Variants in RBFOX1 observed in about 807,000 individuals in gnomAD.
RBFOX1 encodes the protein RNA binding fox-1 homolog 1.
RBFOX1 carries 8 observed loss-of-function variants against 57.7 expected under a neutral mutation model. That is an observed-to-expected ratio of 0.14 (90% CI 0.08 to 0.25). The LOEUF (loss-of-function observed/expected upper bound fraction) is 0.25, where lower values mean the gene tolerates loss of function less well. Ranked by LOEUF, RBFOX1 falls within the 10% of genes least tolerant of loss-of-function variation. RBFOX1 has a pLI of 1.00. For missense variants in RBFOX1, 611 were observed against 548.5 expected, an observed-to-expected ratio of 1.11 and a Z score of -1.14; for synonymous variants, 326 against 222.4, an observed-to-expected ratio of 1.47 and a Z score of -4.15.
At chr16:5,291,509 C>T (rs2063535275) in intron 1 of RBFOX1, among the ~76,000 whole-genome samples, 1 of 152,142 alleles carries the variant, frequency 6.6e-6, no homozygotes, top group Non-Finnish European at 1.5e-5. Context: ...CATGATCCAC[C>T]CGCCTCGGCC....
chr16:6,256,175 A>ATATGTATATATATG lies in RBFOX1; in HGVS notation c.-126-60817_-126-60816insGTATATATATGTAT, dbSNP rs1555582266. On this transcript the variant is annotated intron_variant, in intron 1 of 15. Transcript: ENST00000550418. ...TATATATATGTATATATATATGTAT[A>ATATGTATATATATG]TATATATATACGTATATATATGTAT... 1.5e-3 allele frequency among the ~76,000 whole-genome samples: 42 copies of ATATGTATATATATG among 28,320 alleles called. 6 individuals are homozygous for ATATGTATATATATG. The highest frequency in any genetic ancestry group is 5.7e-3 in the East Asian group (2 of 350). 18.6% of individuals were successfully genotyped at this position (28,320 alleles called of 152,430 possible).
intron 4 of RBFOX1, among the ~76,000 whole-genome samples, chr16:7,461,640 G>A (rs759074835): frequency 2.6e-5 from 4 of 152,120 alleles, no homozygotes; most frequent in South Asian, 4.1e-4. Context: ...AAAGCCGTAC[G>A]TTTTCTTGGA....
intron 4 of RBFOX1, among the ~76,000 whole-genome samples, chr16:5,900,927 C>G (rs940726045): frequency 2.0e-5 from 3 of 152,186 alleles, no homozygotes; most frequent in African/African-American, 7.2e-5. Flanking sequence ...AAATCTTTCC[C>G]TTGGGAGAGA....
chr16:7,080,435 G>A (rs1346445058), intron 4 of RBFOX1, among the ~76,000 whole-genome samples: 2 of 152,142 alleles, frequency 1.3e-5, no homozygotes, highest in Non-Finnish European at 2.9e-5. Flanking sequence ...CAGTGCCAAA[G>A]TAATGACTGT....
intron 2 of RBFOX1, among the ~76,000 whole-genome samples, chr16:6,525,203 G>C (rs984356769): frequency 4.6e-5 from 7 of 152,172 alleles, no homozygotes; most frequent in Admixed American, 3.9e-4. Flanking sequence ...AAGAAGATAA[G>C]AACAATTCTA....
intron 4 of RBFOX1, among the ~76,000 whole-genome samples, chr16:7,258,642 A>G (rs2094794026): frequency 6.6e-6 from 1 of 152,194 alleles, no homozygotes; most frequent in Non-Finnish European, 1.5e-5. Flanking sequence ...ATCCTGTACT[A>G]TATTATTTTA....
intron 1 of RBFOX1, among the ~76,000 whole-genome samples, chr16:6,052,505 C>A (rs1448566204): frequency 1.3e-5 from 2 of 152,038 alleles, no homozygotes; most frequent in African/African-American, 2.4e-5. Flanking sequence ...AATGCCTAGG[C>A]CGGGCGCGGT....
intron 1 of RBFOX1, among the ~76,000 whole-genome samples, chr16:6,228,397 A>T (rs57144057): frequency 0.2 from 29,086 of 142,074 alleles, 3,461 homozygotes; most frequent in East Asian, 0.43. Context: ...GAACAGATGA[A>T]AAGGTAAAGA....
At chr16:7,655,725 TG>T (rs2066142241) in intron 12 of RBFOX1, among the ~76,000 whole-genome samples, 1 of 152,058 alleles carries the variant, frequency 6.6e-6, no homozygotes, top group Non-Finnish European at 1.5e-5. Flanking sequence ...GTTTGAAAAT[TG>T]TTCTCAGTAC....
intron 2 of RBFOX1, among the ~76,000 whole-genome samples, chr16:6,591,212 A>G (rs1308386465): frequency 6.6e-6 from 1 of 152,156 alleles, no homozygotes. Context: ...TTGGGAGGCC[A>G]AGGAGGGTGG....
intron 2 of RBFOX1, among the ~76,000 whole-genome samples, chr16:6,326,379 A>G (rs750515551): frequency 2.6e-5 from 4 of 152,212 alleles, no homozygotes; most frequent in Non-Finnish European, 4.4e-5. Flanking sequence ...GAGATTAACT[A>G]TCACAGACTA....
intron 2 of RBFOX1, among the ~76,000 whole-genome samples, chr16:6,421,550 C>T (rs79389217): frequency 0.017 from 2,558 of 152,204 alleles, 68 homozygotes; most frequent in African/African-American, 0.057. Context: ...TTCATTATGG[C>T]CATGAGCATG....
intron 4 of RBFOX1, among the ~76,000 whole-genome samples, chr16:7,378,970 AT>A (rs1303664036): frequency 6.6e-6 from 1 of 152,236 alleles, no homozygotes; most frequent in African/African-American, 2.4e-5. Context: ...CACCACTGAC[AT>A]TTAGAATCTG....
rs1367027369 is a variant in RBFOX1, at chr16:6,856,110, T to TTCCCTTTCCTTCCCTTCCCTTTAC, written c.-15-195947_-15-195946insTCCCTTTCCTTCCCTTCCCTTTAC. On this transcript the variant is annotated intron_variant, in intron 3 of 15. Coordinates refer to ENST00000550418, the MANE Select transcript of RBFOX1 (RefSeq NM_018723.4). ...GAAGACCCTTCCCTTCCCTTCCCTTTCTTCCCTTTCCTTCCCTTCCCTTTA... is the reference window on the plus strand; with the variant it reads ...GAAGACCCTTCCCTTCCCTTCCCTTTTCCCTTTCCTTCCCTTCCCTTTACCTTCCCTTTCCTTCCCTTCCCTTTA... 2.8e-3 allele frequency among the ~76,000 whole-genome samples: 421 copies of TTCCCTTTCCTTCCCTTCCCTTTAC among 151,612 alleles called. 3 individuals are homozygous for TTCCCTTTCCTTCCCTTCCCTTTAC. The highest frequency in any genetic ancestry group is 9.3e-3 in the African/African-American group (386 of 41,344).
At chr16:5,683,058 A>T (rs2050392368) in intron 3 of RBFOX1, among the ~76,000 whole-genome samples, 1 of 151,700 alleles carries the variant, frequency 6.6e-6, no homozygotes, top group Non-Finnish European at 1.5e-5. Context: ...GGGTTATAGT[A>T]AGGATTTACT....
At chr16:6,079,278 C>T (rs2095960914) in intron 1 of RBFOX1, among the ~76,000 whole-genome samples, 1 of 152,128 alleles carries the variant, frequency 6.6e-6, no homozygotes, top group African/African-American at 2.4e-5. Context: ...TGCACTGCAG[C>T]CTGGACAACA....
chr16:6,770,912 T>G (rs1323494583), intron 3 of RBFOX1, among the ~76,000 whole-genome samples: 1 of 152,180 alleles, frequency 6.6e-6, no homozygotes, highest in Non-Finnish European at 1.5e-5. Context: ...TGCTTGGGTC[T>G]GAGAATTACC....
At chr16:6,866,144 TA>T (rs2059874378) in intron 3 of RBFOX1, among the ~76,000 whole-genome samples, 1 of 152,194 alleles carries the variant, frequency 6.6e-6, no homozygotes, top group Non-Finnish European at 1.5e-5. Flanking sequence ...TTCTATCTAA[TA>T]TGCATTTTTC....
chr16:7,437,119 C>A (rs981539417), intron 4 of RBFOX1, among the ~76,000 whole-genome samples: 1 of 152,088 alleles, frequency 6.6e-6, no homozygotes, highest in Non-Finnish European at 1.5e-5. Context: ...AGAGCAGAAG[C>A]ATCACAGGGC....
Sources: gnomAD v4.1 joint callset for allele counts (sites outside exome capture counted in the v4.1 genomes callset) on GRCh38, gnomAD v4.1.1 for gene constraint, MANE v1.5 for transcripts, NCBI Gene and HGNC (gene_info 2026-07-23, HGNC 2026-07-21) for gene names.